DLGAP1: variants seen among roughly 807,000 people sequenced by gnomAD.
DLGAP1 encodes the protein DLG associated protein 1.
In DLGAP1, 11 loss-of-function variants were observed where a neutral mutation model predicts 90.8. That is an observed-to-expected ratio of 0.12 (90% CI 0.08 to 0.20). The LOEUF (loss-of-function observed/expected upper bound fraction) is 0.20. Ranked by LOEUF, DLGAP1 falls within the 10% of genes least tolerant of loss-of-function variation. The probability of loss-of-function intolerance (pLI) is 1.00; values close to 1 mark genes in which losing one functional copy is unlikely to be tolerated. For synonymous variants in DLGAP1, 558 were observed against 540.7 expected, an observed-to-expected ratio of 1.03 and a Z score of -0.44; for missense variants, 1,050 against 1,333.8, an observed-to-expected ratio of 0.79 and a Z score of 3.31.
intron 3 of DLGAP1, among the ~76,000 whole-genome samples, chr18:3,960,751 G>A (rs891987785): frequency 2.0e-5 from 3 of 152,164 alleles, no homozygotes; most frequent in African/African-American, 7.2e-5. Flanking sequence ...TTCAGTCCTC[G>A]GCGCCTCTAG....
At chr18:4,273,538 G>A (rs912024549) in intron 1 of DLGAP1, among the ~76,000 whole-genome samples, 3 of 152,166 alleles carry the variant, frequency 2.0e-5, no homozygotes, top group African/African-American at 7.2e-5. Flanking sequence ...AAACTCCCGG[G>A]CTCAAGCAAT....
intron 3 of DLGAP1, among the ~76,000 whole-genome samples, chr18:3,883,244 A>AAAAC (rs556696484): frequency 1.8e-4 from 28 of 152,306 alleles, no homozygotes; most frequent in East Asian, 7.7e-4. Flanking sequence ...ATTCCATCTC[A>AAAAC]AAACAAACAA....
intron 7 of DLGAP1, among the ~76,000 whole-genome samples, chr18:3,595,778 C>T (rs531601086): frequency 9.4e-5 from 12 of 127,958 alleles, no homozygotes; most frequent in East Asian, 2.6e-4. Flanking sequence ...TCAAGTCATC[C>T]GTGTACACAA....
intron 1 of DLGAP1, among the ~76,000 whole-genome samples, chr18:4,249,516 G>T (rs1239505358): frequency 6.6e-6 from 1 of 150,754 alleles, no homozygotes; most frequent in African/African-American, 2.4e-5. Flanking sequence ...AATGAGTCAG[G>T]CAACACTTTT....
chr18:4,207,211 C>CAGGGA (rs1173618411), intron 1 of DLGAP1, among the ~76,000 whole-genome samples: 1 of 152,114 alleles, frequency 6.6e-6, no homozygotes, highest in Non-Finnish European at 1.5e-5. Flanking sequence ...GTGGAGGCCT[C>CAGGGA]AGGGAACTTA....
At chr18:3,930,255 G>A (rs8085673) in intron 3 of DLGAP1, among the ~76,000 whole-genome samples, 78,694 of 151,980 alleles carry the variant, frequency 0.52, 20,360 homozygotes, top group South Asian at 0.53. Context: ...ATGAAACTCA[G>A]TTTTCATGAA....
intron 2 of DLGAP1, among the ~76,000 whole-genome samples, chr18:4,039,115 A>T (rs567730820): frequency 1.1e-3 from 162 of 152,362 alleles, no homozygotes; most frequent in African/African-American, 3.4e-3. Context: ...AAGAAAAAAA[A>T]GTTCAGCTCA....
chr18:4,427,636 A>T (rs1333288867), intron 1 of DLGAP1, among the ~76,000 whole-genome samples: 1 of 152,174 alleles, frequency 6.6e-6, no homozygotes, highest in Non-Finnish European at 1.5e-5. Flanking sequence ...GAGACAAATC[A>T]ACAAAGGCAG....
intron 4 of DLGAP1, among the ~76,000 whole-genome samples, chr18:3,823,799 A>T (rs1408919895): frequency 6.6e-6 from 1 of 151,936 alleles, no homozygotes; most frequent in Non-Finnish European, 1.5e-5. Flanking sequence ...AAAATAGAAA[A>T]ATTAGCCAGG....
intron 1 of DLGAP1, among the ~76,000 whole-genome samples, chr18:4,428,345 C>T (rs2083202592): frequency 6.6e-6 from 1 of 152,108 alleles, no homozygotes; most frequent in Non-Finnish European, 1.5e-5. Flanking sequence ...CTTTGGGAGG[C>T]CAAGGCGGAC....
intron 5 of DLGAP1, among the ~76,000 whole-genome samples, chr18:3,803,857 T>C (rs897447824): frequency 2.0e-5 from 3 of 151,652 alleles, no homozygotes; most frequent in Admixed American, 2.0e-4. Context: ...ATTTGATGAC[T>C]GTTATTTATA....
chr18:4,373,540 A>G (rs1230258158), intron 1 of DLGAP1, among the ~76,000 whole-genome samples: 2 of 152,172 alleles, frequency 1.3e-5, no homozygotes, highest in Non-Finnish European at 2.9e-5. Flanking sequence ...AGATCAAAAC[A>G]TGCATCTGCA....
Position 3,879,061 on chromosome 18 carries a change from C to A in DLGAP1, c.957+51G>T. ...ACTAGAACCAGGAGAAATGCCCACA[C>A]AAGCATGCCAGGTACTACTTCTAAG... On this transcript the variant is annotated intron_variant, in intron 4 of 12. Transcript: ENST00000315677. This position sits in a 1 kb window ranked among gnomAD's most constrained non-coding sequence, Gnocchi z 6.6. 7.1e-7 allele frequency: 1 copy of A among 1,402,602 alleles called. No individual in the cohort carries two copies. Among genetic ancestry groups the A allele is most frequent in the Middle Eastern group, 1.9e-4 (1 of 5,380 alleles). The allele number at this position is 1,402,602 out of a possible 1,614,324, so 86.9% of individuals were successfully genotyped here.
At chr18:3,722,754 G>A (rs1434495354) in intron 7 of DLGAP1, among the ~76,000 whole-genome samples, 1 of 152,108 alleles carries the variant, frequency 6.6e-6, no homozygotes, top group East Asian at 1.9e-4. Context: ...TTATAACAAG[G>A]ATCTATTAAT....
chr18:3,939,527 T>C (rs1244851684), intron 3 of DLGAP1, among the ~76,000 whole-genome samples: 1 of 147,450 alleles, frequency 6.8e-6, no homozygotes, highest in Non-Finnish European at 1.5e-5. Context: ...TGGCATAGAA[T>C]ATACATTTTG....
intron 1 of DLGAP1, among the ~76,000 whole-genome samples, chr18:4,379,189 C>T (rs1244610172): frequency 6.6e-6 from 1 of 152,072 alleles, no homozygotes; most frequent in African/African-American, 2.4e-5. Context: ...CAGAGAGAGT[C>T]AGGTTGCAGA....
intron 3 of DLGAP1, among the ~76,000 whole-genome samples, chr18:3,881,573 A>G (rs1372985135): frequency 6.6e-6 from 1 of 152,156 alleles, no homozygotes; most frequent in East Asian, 1.9e-4. Flanking sequence ...CAGCCATGTA[A>G]GCACACAGTA....
At chr18:3,880,341 G>A (rs2071123688) in intron 3 of DLGAP1, among the ~76,000 whole-genome samples, 1 of 151,750 alleles carries the variant, frequency 6.6e-6, no homozygotes, top group Admixed American at 6.6e-5. Context: ...GCCCCACCAC[G>A]CTTGGCTAAT....
intron 8 of DLGAP1, among the ~76,000 whole-genome samples, chr18:3,569,406 T>A (rs2054635048): frequency 6.6e-6 from 1 of 151,942 alleles, no homozygotes; most frequent in Non-Finnish European, 1.5e-5. Context: ...AATCATAGGA[T>A]CTCTTTATAT....
Sources: gnomAD v4.1 joint callset for allele counts (sites outside exome capture counted in the v4.1 genomes callset) on GRCh38, gnomAD v4.1.1 for gene constraint, Gnocchi (gnomAD v3.1) non-coding constraint, MANE v1.5 for transcripts, NCBI Gene and HGNC (gene_info 2026-07-23, HGNC 2026-07-21) for gene names.